The following TMC5 variants were observed in gnomAD, a reference collection of about 807,000 sequenced individuals.
TMC5 encodes transmembrane channel-like protein 5.
A neutral mutation model predicts 110.5 loss-of-function variants in TMC5; 86 were observed. The ratio of observed to expected loss-of-function variants is 0.78; its 90% CI spans 0.65 to 0.93. TMC5 has a LOEUF of 0.93. Among genes scored for constraint, TMC5 ranks in the 40% least tolerant of loss-of-function variants. The pLI, the probability that TMC5 is intolerant of heterozygous loss-of-function variation, is 0.00. For synonymous variants in TMC5, 455 were observed against 439.5 expected (o/e 1.04, Z -0.44); for missense variants, 1,144 against 1,222.8 (o/e 0.94, Z 0.96).
intron 3 of TMC5, among the ~76,000 whole-genome samples, chr16:19,441,740 A>C (rs7201534): frequency 0.043 from 6,480 of 152,212 alleles, 271 homozygotes; most frequent in African/African-American, 0.11. Flanking sequence ...TATAGTTTTC[A>C]CCATTTTCAG....
chr16:19,459,917 C>CCAA (rs1967977243), intron 5 of TMC5, among the ~76,000 whole-genome samples: 1 of 95,700 alleles, frequency 1.0e-5, no homozygotes, highest in Non-Finnish European at 1.9e-5. Context: ...GATCCTGTCT[C>CCAA]AAAAAAAAAA....
At chr16:19,482,796 A>T (rs1039560691) in intron 15 of TMC5, among the ~76,000 whole-genome samples, 2 of 152,244 alleles carry the variant, frequency 1.3e-5, no homozygotes, top group Middle Eastern at 3.4e-3. Flanking sequence ...TGCAGCAAAT[A>T]TTTTTACAAA....
intron 1 of TMC5, among the ~76,000 whole-genome samples, chr16:19,426,033 G>T (rs561529401): frequency 6.6e-6 from 1 of 152,226 alleles, no homozygotes; most frequent in African/African-American, 2.4e-5. Flanking sequence ...ATGGGTTAAT[G>T]CCTGTCCAGA....
intron 1 of TMC5, among the ~76,000 whole-genome samples, chr16:19,412,400 C>G (rs1472010558): frequency 2.0e-5 from 3 of 150,642 alleles, no homozygotes. Flanking sequence ...CAGTCTCGTT[C>G]TGTTGCCCAG....
intron 5 of TMC5, among the ~76,000 whole-genome samples, chr16:19,454,512 A>AT (rs1280704503): frequency 2.0e-5 from 3 of 152,166 alleles, no homozygotes. Context: ...TAGCTATAAA[A>AT]TGGGGTTGAT....
chr16:19,427,648 G>A (rs748864992), intron 1 of TMC5, among the ~76,000 whole-genome samples: 1 of 151,854 alleles, frequency 6.6e-6, no homozygotes, highest in Non-Finnish European at 1.5e-5. Context: ...GGCACTCTTG[G>A]CATTTGGGGC....
chr16:19,429,578 G>GCAAC (rs1217637847), intron 1 of TMC5, among the ~76,000 whole-genome samples: 1 of 152,196 alleles, frequency 6.6e-6, no homozygotes, highest in Non-Finnish European at 1.5e-5. Flanking sequence ...TGGTGCTCTG[G>GCAAC]CAACCACTCG....
Position 19,487,268 on chromosome 16 carries a change from T to A in TMC5, c.2515T>A (p.Leu839Met). Residue 839 changes from leucine (L) to methionine (M), a missense_variant, in exon 17 of 22, where the codon TTG (leucine) becomes ATG (methionine). By Grantham distance (15) the Leu-to-Met change is conservative (BLOSUM62 2). Transcript: ENST00000542583. ...ASQMMTFFIF[L>M]LFFPSFTGVL... Reference sequence around the variant, plus strand: ...ACAGATGATGACTTTCTTCATCTTCTTGCTCTTTTTCCCATCCTTCACCGG... The same window carrying A: ...ACAGATGATGACTTTCTTCATCTTCATGCTCTTTTTCCCATCCTTCACCGG... 1 of 1,614,216 alleles carries A rather than the reference T, an allele frequency of 6.2e-7. No individual in the cohort carries two copies. The highest frequency in any genetic ancestry group is 8.5e-7 in the Non-Finnish European group (1 of 1,180,028).
intron 15 of TMC5, among the ~76,000 whole-genome samples, chr16:19,482,788 C>T (rs1384489229): frequency 6.6e-6 from 1 of 152,156 alleles, no homozygotes; most frequent in Non-Finnish European, 1.5e-5. Flanking sequence ...CAACTGGTTG[C>T]AGCAAATATT....
Position 19,444,314 on chromosome 16 carries a change from G to A in TMC5, c.958+64G>A, listed in dbSNP as rs999287613. On this transcript the variant is annotated intron_variant, in intron 4 of 21. Coordinates refer to ENST00000542583, the MANE Select transcript of TMC5 (RefSeq NM_001261841.2). ...AACTGAAATCACTGGATTTAGGGGT[G>A]CAATCATTAAGGAGACTTGGCAATA... 5.4e-6 allele frequency: 8 copies of A among 1,490,564 alleles called. 1 individual carries two copies. Among genetic ancestry groups the A allele is most frequent in the African/African-American group, 2.8e-5 (2 of 72,554 alleles). 92.3% of individuals were successfully genotyped at this position (1,490,564 alleles called of 1,614,324 possible).
chr16:19,494,579 C>T lies in TMC5; in HGVS notation c.2931+213C>T, dbSNP rs147629353. 0.018 allele frequency among the ~76,000 whole-genome samples: 2,677 copies of T among 152,206 alleles called. 88 individuals are homozygous for T. The highest frequency in any genetic ancestry group is 0.062 in the African/African-American group (2,572 of 41,500). ...ATCCCAGCACTTTGGGAGGCCTACG[C>T]GGGTGGATCAAGAGGTCAGGAGTTT... On this transcript the variant is annotated intron_variant, in intron 20 of 21. Transcript: ENST00000542583.
chr16:19,414,882 C>CA (rs1315665843), upstream of TMC5, among the ~76,000 whole-genome samples: 7 of 152,020 alleles, frequency 4.6e-5, no homozygotes, highest in Non-Finnish European at 7.4e-5. Flanking sequence ...CCCATCTTGA[C>CA]AAAAAAGAGA....
intron 5 of TMC5, chr16:19,456,589 T>G (rs1967878273): frequency 6.7e-7 from 1 of 1,483,924 alleles, no homozygotes; most frequent in Non-Finnish European, 8.9e-7. Context: ...GAATGGTGTA[T>G]CCCTTTGTGA....
intron 15 of TMC5, among the ~76,000 whole-genome samples, chr16:19,485,846 C>T (rs974848266): frequency 2.0e-5 from 3 of 152,132 alleles, no homozygotes; most frequent in South Asian, 2.1e-4. Flanking sequence ...ACGAGCACCG[C>T]GGGAGAGTTG....
At position 19,439,961 on chromosome 16, in the gene TMC5, T is replaced by C; in HGVS notation, c.-78T>C. 1.7e-6 allele frequency: 2 copies of C among 1,192,890 alleles called. No homozygotes were observed. The highest frequency in any genetic ancestry group is 1.2e-6 in the Non-Finnish European group (1 of 847,650). The allele number at this position is 1,192,890 out of a possible 1,614,324, so 73.9% of individuals were successfully genotyped here. A position where few individuals can be genotyped will look rare whatever the true frequency, so the allele number is the denominator to read the frequency against. ...TTTTCTTTTCTTCTTGTTTTTCAGG[T>C]GAAAAAAAAAAAAGATCCCTGAGTA... is the stretch of plus-strand genomic sequence containing the variant. On this transcript the variant is annotated splice_region_variant and 5_prime_UTR_variant, in exon 3 of 22. Transcript: ENST00000542583.
At chr16:19,413,310 G>C (rs1966861125), upstream of TMC5, among the ~76,000 whole-genome samples, 1 of 151,896 alleles carries the variant, frequency 6.6e-6, no homozygotes, top group Non-Finnish European at 1.5e-5. Context: ...GATCACTTGA[G>C]TCCAGGAGTT....
At position 19,430,627 on chromosome 16, in the gene TMC5, A is replaced by G. The variant is rs1967175528; in HGVS notation, c.-93A>G. 1 of 152,328 alleles carries G rather than the reference A, an allele frequency of 6.6e-6. No homozygotes were observed. Among genetic ancestry groups the G allele is most frequent in the Non-Finnish European group, 1.5e-5 (1 of 68,036 alleles). 9.4% of individuals were successfully genotyped at this position (152,328 alleles called of 1,614,324 possible). On this transcript the variant is annotated 5_prime_UTR_variant, in exon 2 of 22. Transcript: ENST00000542583. The stretch of plus-strand genomic sequence containing the variant: ...ATCTACTTGGGACAAAGCAAGAACA[A>G]TAAGGGCAAAAAAGTAAGTTTTCAT...
chr16:19,436,666 C>G (rs541800482), intron 2 of TMC5, among the ~76,000 whole-genome samples: 1 of 152,308 alleles, frequency 6.6e-6, no homozygotes, highest in South Asian at 2.1e-4. Flanking sequence ...ACACCCAACT[C>G]AAACCAGCTT....
intron 5 of TMC5, among the ~76,000 whole-genome samples, chr16:19,452,865 T>G (rs534291820): frequency 6.6e-6 from 1 of 152,142 alleles, no homozygotes; most frequent in South Asian, 2.1e-4. Context: ...GAATCCTGCC[T>G]TGGGGAGAAA....
Sources: gnomAD v4.1 joint callset for allele counts (sites outside exome capture counted in the v4.1 genomes callset) on GRCh38, gnomAD v4.1.1 for gene constraint, MANE v1.5 for transcripts, NCBI Gene and HGNC (gene_info 2026-07-23, HGNC 2026-07-21) for gene names.